The following CCDC144A variants were observed in gnomAD, a reference collection of about 807,000 sequenced individuals.
The protein encoded by CCDC144A is coiled-coil domain-containing protein 144A.
Under a neutral mutation model 143.8 loss-of-function variants are expected in CCDC144A, and 41 were observed. The ratio of observed to expected loss-of-function variants is 0.29; its 90% confidence interval spans 0.22 to 0.37. The LOEUF is 0.37. CCDC144A is among the 10% of genes least tolerant of loss of function. The pLI, the probability that CCDC144A is intolerant of heterozygous loss-of-function variation, is 1.00. For missense variants in CCDC144A, 637 were observed against 1,488.8 expected (o/e 0.43, Z 9.41); for synonymous variants, 242 against 517.9 (o/e 0.47, Z 7.23).
At chr17:16,683,882 T>C in the CCDC144A span, 5 of 1,360,070 alleles carry the variant, frequency 3.7e-6, no homozygotes, top group Non-Finnish European at 5.3e-6. Flanking sequence ...CGTCGTCGTC[T>C]ACGCTGATGG....
At chr17:16,683,730 C>T in the CCDC144A span, 6 of 1,579,292 alleles carry the variant, frequency 3.8e-6, no homozygotes, top group East Asian at 6.7e-5. Context: ...CAAGCGACTC[C>T]GTGAGCCACT....
intron 6 of CCDC144A, among the ~76,000 whole-genome samples, chr17:16,717,334 T>A (rs1912832688): frequency 6.6e-6 from 1 of 151,672 alleles, no homozygotes; most frequent in Non-Finnish European, 1.5e-5. Flanking sequence ...ATGGTCTCGA[T>A]CTATTGACCT....
chr17:16,737,259 C>T (rs868767065), intron 12 of CCDC144A, among the ~76,000 whole-genome samples: 5,300 of 148,352 alleles, frequency 0.036, 130 homozygotes, highest in Middle Eastern at 0.11. Context: ...CTCCGCCTCC[C>T]GGGTTCACGC....
the CCDC144A span, chr17:16,683,501 C>T: frequency 2.7e-6 from 4 of 1,491,080 alleles, no homozygotes; most frequent in African/African-American, 2.8e-5. Flanking sequence ...GCCGCTCTCG[C>T]GGGTTCGGGA....
chr17:16,699,427 C>T (rs1307319242), intron 2 of CCDC144A, among the ~76,000 whole-genome samples: 1 of 143,470 alleles, frequency 7.0e-6, no homozygotes, highest in South Asian at 2.3e-4. Flanking sequence ...CCAGGCGGGA[C>T]TGCAGTGGCG....
the CCDC144A span, among the ~76,000 whole-genome samples, chr17:16,669,183 A>G: frequency 2.6e-5 from 4 of 152,254 alleles, no homozygotes; most frequent in Admixed American, 1.3e-4. Flanking sequence ...TATACTATAT[A>G]TATCTTGCGA....
chr17:16,722,351 T>G (rs1913141685), intron 8 of CCDC144A, among the ~76,000 whole-genome samples: 1 of 152,166 alleles, frequency 6.6e-6, no homozygotes, highest in Admixed American at 6.5e-5. Context: ...TTAGAGCGTT[T>G]TAAAAGACTA....
chr17:16,693,315 T>TG (rs748624942), intron 2 of CCDC144A, among the ~76,000 whole-genome samples: 58 of 140,312 alleles, frequency 4.1e-4, no homozygotes, highest in African/African-American at 4.6e-4. Flanking sequence ...TAAGAAAAAG[T>TG]GTTTTTTTTT....
the CCDC144A span, among the ~76,000 whole-genome samples, chr17:16,680,603 A>G: frequency 6.7e-6 from 1 of 149,600 alleles, no homozygotes; most frequent in African/African-American, 2.5e-5. Context: ...GAAATAAAGA[A>G]AAAGGAAGGA....
In CCDC144A at chr17:16,694,793, A is replaced by G. The variant is rs910632522; in HGVS notation, c.415+1744A>G. 1.3e-3 allele frequency among the ~76,000 whole-genome samples: 196 copies of G among 152,196 alleles called. 4 individuals carry two copies. The highest frequency in any genetic ancestry group is 0.013 in the Admixed American group (196 of 15,294). ...AAATCGAATGAGGTATATTTACTTCATTAGAACAAGATGTGTTTTTCTACC... is the reference window on the plus strand; with the variant it reads ...AAATCGAATGAGGTATATTTACTTCGTTAGAACAAGATGTGTTTTTCTACC... On this transcript the variant is annotated intron_variant, in intron 2 of 16. Coordinates refer to ENST00000399273, the MANE Select transcript of CCDC144A (RefSeq NM_001382000.1).
At chr17:16,758,307 C>T (rs982191014) in intron 12 of CCDC144A, among the ~76,000 whole-genome samples, 56 of 152,352 alleles carry the variant, frequency 3.7e-4, no homozygotes, top group African/African-American at 1.3e-3. Context: ...CCTCCCATCA[C>T]ACACACACAA....
At chr17:16,746,125 C>T in intron 12 of CCDC144A, 2 of 1,587,880 alleles carry the variant, frequency 1.3e-6, no homozygotes, top group Non-Finnish European at 8.6e-7. Flanking sequence ...GCACAGGATT[C>T]CTGCTTGCCA....
intron 15 of CCDC144A, among the ~76,000 whole-genome samples, chr17:16,770,515 C>A (rs1915786140): frequency 6.6e-6 from 1 of 151,996 alleles, no homozygotes; most frequent in African/African-American, 2.4e-5. Flanking sequence ...TAGAATAACT[C>A]CAGGCTCAGT....
chr17:16,744,397 C>T (rs1201081568), intron 12 of CCDC144A, among the ~76,000 whole-genome samples: 1 of 152,126 alleles, frequency 6.6e-6, no homozygotes, highest in Non-Finnish European at 1.5e-5. Flanking sequence ...TAGTAATAGC[C>T]ATTATGTCTG....
rs931913293 is a variant in CCDC144A at position 16,737,459 on chromosome 17, C to G, written c.3372+1816C>G. The stretch of plus-strand genomic sequence containing the variant: ...GGGATTACAGGCGTGAGCCACCGCG[C>G]CCGGCCAGAGTTAAATCTTACTACC... On this transcript the variant is annotated intron_variant, in intron 12 of 16. Transcript: ENST00000399273. 11 of 1,264,506 alleles carry G rather than the reference C, an allele frequency of 8.7e-6. No individual in the cohort carries two copies. In the Admixed American group the frequency reaches 1.7e-4, roughly 20 times the overall value. The allele number at this position is 1,264,506 out of a possible 1,614,324, so 78.3% of individuals were successfully genotyped here. A position where few individuals can be genotyped will look rare whatever the true frequency, so the allele number is the denominator to read the frequency against.
intron 12 of CCDC144A, among the ~76,000 whole-genome samples, chr17:16,754,551 A>G (rs1388200046): frequency 6.6e-6 from 1 of 152,176 alleles, no homozygotes; most frequent in Non-Finnish European, 1.5e-5. Flanking sequence ...ATTTCCGTGC[A>G]TTTGTACAGT....
the CCDC144A span, among the ~76,000 whole-genome samples, chr17:16,671,169 G>A: frequency 6.6e-6 from 1 of 151,928 alleles, no homozygotes; most frequent in Non-Finnish European, 1.5e-5. Flanking sequence ...TTTCAATAGA[G>A]ACAGGGTTTT....
At chr17:16,712,027 G>A in intron 6 of CCDC144A, 1 of 674,400 alleles carries the variant, frequency 1.5e-6, no homozygotes, top group Non-Finnish European at 2.4e-6. Flanking sequence ...TTACTCAGGA[G>A]GCTGAGGCAA....
chr17:16,767,612 T>G (rs1371141021), intron 15 of CCDC144A, among the ~76,000 whole-genome samples: 1 of 152,240 alleles, frequency 6.6e-6, no homozygotes, highest in Non-Finnish European at 1.5e-5. Context: ...AGCAAAATGT[T>G]AAAAATAGCA....
Sources: gnomAD v4.1 joint callset for allele counts (sites outside exome capture counted in the v4.1 genomes callset) on GRCh38, gnomAD v4.1.1 for gene constraint, MANE v1.5 for transcripts, NCBI Gene and HGNC (gene_info 2026-07-23, HGNC 2026-07-21) for gene names.